Variants in TPTE observed in about 807,000 individuals in gnomAD.
TPTE encodes transmembrane phosphatase with tensin homology.
TPTE carries 59 observed loss-of-function variants against 84.1 expected under a neutral mutation model. The observed-to-expected ratio is 0.70, with a 90% CI of 0.57 to 0.87. The LOEUF (loss-of-function observed/expected upper bound fraction) is 0.87, where lower values mean the gene tolerates loss of function less well. Among genes scored for constraint, TPTE ranks in the 40% least tolerant of loss-of-function variants. The pLI is 0.00. For synonymous variants in TPTE, 130 were observed against 223.5 expected (o/e 0.58, Z 3.73); for missense variants, 382 against 659.6 (o/e 0.58, Z 4.61).
chr21:10,521,958 C>T (rs2073985676), intron 1 of TPTE, among the ~76,000 whole-genome samples: 1 of 152,264 alleles, frequency 6.6e-6, no homozygotes, highest in South Asian at 2.1e-4. Context: ...CCCGCTCCTC[C>T]TCATTCAAAC....
intron 17 of TPTE, among the ~76,000 whole-genome samples, chr21:10,584,024 G>A (rs1455944083): frequency 1.3e-5 from 2 of 152,306 alleles, no homozygotes; most frequent in African/African-American, 4.8e-5. Context: ...ACAAACACTG[G>A]GTAGAAATTT....
intron 10 of TPTE, among the ~76,000 whole-genome samples, chr21:10,566,899 C>T (rs1274277766): frequency 6.6e-6 from 1 of 152,254 alleles, no homozygotes; most frequent in East Asian, 1.9e-4. Flanking sequence ...ATCGCTTGAA[C>T]CCAGGAGGTG....
chr21:10,547,850 A>C (rs1275522458), intron 7 of TPTE, among the ~76,000 whole-genome samples: 1 of 152,308 alleles, frequency 6.6e-6, no homozygotes, highest in Non-Finnish European at 1.5e-5. Context: ...ACAGAGGAAT[A>C]ATCTGCAGTC....
At chr21:10,548,878 A>G (rs1266536127) in intron 7 of TPTE, among the ~76,000 whole-genome samples, 7 of 152,424 alleles carry the variant, frequency 4.6e-5, no homozygotes, top group African/African-American at 1.2e-4. Flanking sequence ...CTGTCCTGCA[A>G]AGCACATCTG....
chr21:10,528,911 G>T (rs1205550182), intron 3 of TPTE, among the ~76,000 whole-genome samples: 1 of 152,310 alleles, frequency 6.6e-6, no homozygotes. Flanking sequence ...TTCTGGCTGG[G>T]CATGGTGGCT....
At chr21:10,561,880 T>TATTG (rs2074812690) in intron 10 of TPTE, among the ~76,000 whole-genome samples, 1 of 152,312 alleles carries the variant, frequency 6.6e-6, no homozygotes, top group African/African-American at 2.4e-5. Flanking sequence ...CCCAGGGCCT[T>TATTG]CAGTAAACTC....
intron 7 of TPTE, among the ~76,000 whole-genome samples, chr21:10,546,979 G>A (rs372179522): frequency 0.012 from 1,872 of 151,622 alleles, no homozygotes; most frequent in South Asian, 0.063. Context: ...TTTCAATGTA[G>A]ACAAGATAGC....
chr21:10,564,167 T>TA (rs1234114818), intron 10 of TPTE, among the ~76,000 whole-genome samples: 1 of 152,084 alleles, frequency 6.6e-6, no homozygotes, highest in Admixed American at 6.5e-5. Flanking sequence ...ATAAATAAAA[T>TA]AAAAAAACCC....
intron 7 of TPTE, among the ~76,000 whole-genome samples, chr21:10,550,656 C>T (rs1251110329): frequency 1.6e-4 from 25 of 152,414 alleles, no homozygotes; most frequent in Admixed American, 1.3e-4. Context: ...GAGTTGGGCA[C>T]TTCCGTATCC....
In TPTE at chr21:10,603,584, A is replaced by G. The variant is rs529676177; in HGVS notation, c.1472A>G (p.Asn491Ser). 3 of 1,612,652 alleles carry G rather than the reference A, an allele frequency of 1.9e-6. No homozygotes were observed. Among genetic ancestry groups the G allele is most frequent in the African/African-American group, 1.3e-5 (1 of 75,032 alleles). The stretch of plus-strand genomic sequence containing the variant: ...TAGAATCTTCCTACATACTATGACA[A>G]TTGCTCATTTTACTTCTGGTTGCAC... ...FYSNLPTYYD[N>S]CSFYFWLHTS... Residue 491 changes from asparagine (N) to serine (S), a missense_variant, in exon 23 of 24, where the codon AAT becomes AGT. Asn to Ser is a conservative substitution (Grantham distance 46, BLOSUM62 1). Transcript: ENST00000618007.
intron 3 of TPTE, among the ~76,000 whole-genome samples, chr21:10,529,926 A>ATTTT (rs2074147433): frequency 1.3e-5 from 2 of 152,022 alleles, no homozygotes; most frequent in Admixed American, 6.5e-5. Flanking sequence ...TTTTTTTTTA[A>ATTTT]AAAAAGTAGT....
chr21:10,540,506 C>T (rs10439884), intron 4 of TPTE, among the ~76,000 whole-genome samples: 8,162 of 149,144 alleles, frequency 0.055, no homozygotes, highest in Non-Finnish European at 0.086. Flanking sequence ...AAGGGAGAAG[C>T]GAATCCTGCT....
intron 18 of TPTE, among the ~76,000 whole-genome samples, chr21:10,591,200 G>C (rs1223132545): frequency 6.6e-6 from 1 of 152,306 alleles, no homozygotes; most frequent in Non-Finnish European, 1.5e-5. Context: ...ATAAGACAAG[G>C]TGGGCTGTTT....
At chr21:10,573,513 T>G (rs201115493) in intron 14 of TPTE, among the ~76,000 whole-genome samples, 4,943 of 139,030 alleles carry the variant, frequency 0.036, no homozygotes, top group East Asian at 0.11. Context: ...TCTGTAGTGC[T>G]GTAGGGTGAC....
intron 8 of TPTE, among the ~76,000 whole-genome samples, chr21:10,552,925 T>C (rs1328152175): frequency 6.6e-6 from 1 of 152,312 alleles, no homozygotes; most frequent in Non-Finnish European, 1.5e-5. Flanking sequence ...CAGAAATAAA[T>C]GTTCTTCTAG....
intron 1 of TPTE, among the ~76,000 whole-genome samples, chr21:10,523,567 T>TG (rs1176704426): frequency 6.6e-6 from 1 of 152,294 alleles, no homozygotes; most frequent in Non-Finnish European, 1.5e-5. Flanking sequence ...TTTTTGTTCT[T>TG]GCGATAGTTT....
intron 17 of TPTE, among the ~76,000 whole-genome samples, chr21:10,588,345 T>G (rs927986787): frequency 6.6e-6 from 1 of 152,310 alleles, no homozygotes; most frequent in Non-Finnish European, 1.5e-5. Context: ...TGAAGCTTAC[T>G]TGATCATGAA....
chr21:10,565,508 T>C (rs2074902404), intron 10 of TPTE, among the ~76,000 whole-genome samples: 1 of 152,304 alleles, frequency 6.6e-6, no homozygotes, highest in Non-Finnish European at 1.5e-5. Flanking sequence ...AGAAACAATC[T>C]TAAAATTTAT....
intron 7 of TPTE, among the ~76,000 whole-genome samples, chr21:10,550,222 C>T (rs534756842): frequency 6.6e-6 from 1 of 152,304 alleles, no homozygotes; most frequent in African/African-American, 2.4e-5. Flanking sequence ...ACATGCAAAA[C>T]CTCCTCACCT....
Sources: gnomAD v4.1 joint callset for allele counts (sites outside exome capture counted in the v4.1 genomes callset) on GRCh38, gnomAD v4.1.1 for gene constraint, MANE v1.5 for transcripts, NCBI Gene and HGNC (gene_info 2026-07-23, HGNC 2026-07-21) for gene names.